Variants in DSCAM observed in about 807,000 individuals in gnomAD.
DSCAM encodes the protein cell adhesion molecule DSCAM.
A neutral mutation model predicts 217.7 loss-of-function variants in DSCAM; 47 were observed. That is an observed-to-expected ratio of 0.22 (90% CI 0.17 to 0.28). The LOEUF (loss-of-function observed/expected upper bound fraction) is 0.28. DSCAM is among the 10% of genes least tolerant of loss of function. DSCAM has a pLI of 1.00. For synonymous variants in DSCAM, 1,056 were observed against 1,015.3 expected, an observed-to-expected ratio of 1.04 and a Z score of -0.76; for missense variants, 2,080 against 2,618.3, an observed-to-expected ratio of 0.79 and a Z score of 4.49.
intron 14 of DSCAM, among the ~76,000 whole-genome samples, chr21:40,184,299 G>A (rs572832118): frequency 3.3e-4 from 50 of 152,270 alleles, no homozygotes; most frequent in Middle Eastern, 3.4e-3. Context: ...AACACAACTC[G>A]TACAGCAGTG....
At chr21:40,153,432 C>T (rs1046080648) in intron 16 of DSCAM, among the ~76,000 whole-genome samples, 8 of 152,144 alleles carry the variant, frequency 5.3e-5, no homozygotes, top group East Asian at 1.9e-4. Context: ...ACAATGCTGT[C>T]GCCAAAGCAA....
intron 29 of DSCAM, among the ~76,000 whole-genome samples, chr21:40,053,972 G>GTGTC (rs1348750209): frequency 6.6e-6 from 1 of 152,100 alleles, no homozygotes; most frequent in Non-Finnish European, 1.5e-5. Context: ...TAACCTCTCT[G>GTGTC]TGTCTCAGTT....
In DSCAM at chr21:40,080,346, G is replaced by A. The variant is rs1479831657; in HGVS notation, c.4232-6C>T. ...GGAGTACTGCAGTATGTATCCTGCA[G>A]AGAATGAGAAAGATTCACATGAGCA... On this transcript the variant is annotated splice_region_variant and splice_polypyrimidine_tract_variant and intron_variant, in intron 24 of 32. Transcript: ENST00000400454. 6.3e-7 allele frequency: 1 copy of A among 1,577,196 alleles called. No homozygotes were observed. The highest frequency in any genetic ancestry group is 1.8e-5 in the Admixed American group (1 of 56,802).
At chr21:40,527,856 C>G (rs563194906) in intron 3 of DSCAM, among the ~76,000 whole-genome samples, 1 of 152,138 alleles carries the variant, frequency 6.6e-6, no homozygotes, top group African/African-American at 2.4e-5. Flanking sequence ...AGACAGAAAC[C>G]CTGTATGCGG....
At chr21:40,442,909 C>A (rs974142763) in intron 3 of DSCAM, among the ~76,000 whole-genome samples, 1 of 152,088 alleles carries the variant, frequency 6.6e-6, no homozygotes, top group Admixed American at 6.5e-5. Context: ...TCTCTCTTCC[C>A]CGGTACATGT....
At chr21:40,364,429 C>T (rs1197925515) in intron 4 of DSCAM, among the ~76,000 whole-genome samples, 2 of 145,666 alleles carry the variant, frequency 1.4e-5, no homozygotes, top group Admixed American at 7.3e-5. Flanking sequence ...GTCGCAAGGA[C>T]AAAAAACCAA....
At chr21:40,783,625 G>C (rs1267642246) in intron 1 of DSCAM, among the ~76,000 whole-genome samples, 3 of 152,304 alleles carry the variant, frequency 2.0e-5, no homozygotes, top group South Asian at 4.1e-4. Flanking sequence ...CACATAAAGA[G>C]GAAAAGGCCC....
intron 1 of DSCAM, among the ~76,000 whole-genome samples, chr21:40,804,396 T>C (rs2091768433): frequency 6.6e-6 from 1 of 152,160 alleles, no homozygotes; most frequent in South Asian, 2.1e-4. Context: ...TCCTGGACCC[T>C]TGTTCTTTCC....
At chr21:40,237,579 G>A (rs1002985606) in intron 11 of DSCAM, among the ~76,000 whole-genome samples, 4 of 152,224 alleles carry the variant, frequency 2.6e-5, no homozygotes, top group African/African-American at 9.6e-5. Flanking sequence ...ATTCCATGGT[G>A]TATATGTGCC....
chr21:40,700,682 TCTC>T (rs2090646217), intron 2 of DSCAM, among the ~76,000 whole-genome samples: 1 of 152,024 alleles, frequency 6.6e-6, no homozygotes, highest in African/African-American at 2.4e-5. Flanking sequence ...GGAAATACTC[TCTC>T]CTCAATTTTC....
At chr21:40,353,086 G>T (rs959645292) in intron 5 of DSCAM, among the ~76,000 whole-genome samples, 1 of 152,194 alleles carries the variant, frequency 6.6e-6, no homozygotes, top group Non-Finnish European at 1.5e-5. Context: ...ACCATCACTT[G>T]TGCTGAAAGA....
intron 1 of DSCAM, among the ~76,000 whole-genome samples, chr21:40,805,272 T>A (rs922944282): frequency 2.0e-5 from 3 of 152,240 alleles, no homozygotes; most frequent in African/African-American, 7.2e-5. Context: ...CTCTCTCTTG[T>A]ATGTCTATCT....
intron 3 of DSCAM, among the ~76,000 whole-genome samples, chr21:40,441,986 T>C (rs2075634517): frequency 2.6e-5 from 4 of 152,238 alleles, no homozygotes; most frequent in Admixed American, 2.6e-4. Context: ...CTTGTTTGTT[T>C]ACTTAACTAA....
At chr21:40,296,599 A>C (rs1263219193) in intron 9 of DSCAM, among the ~76,000 whole-genome samples, 1 of 152,170 alleles carries the variant, frequency 6.6e-6, no homozygotes, top group East Asian at 1.9e-4. Flanking sequence ...TGGGAGTCCG[A>C]GGCAAGCAGA....
intron 11 of DSCAM, among the ~76,000 whole-genome samples, chr21:40,199,803 T>G (rs2091051414): frequency 1.3e-5 from 2 of 151,960 alleles, no homozygotes; most frequent in Admixed American, 1.3e-4. Flanking sequence ...GGGAGAGCAT[T>G]AGGACAAATA....
Position 40,288,216 on chromosome 21 carries a change from A to C in DSCAM, c.2182+7839T>G, listed in dbSNP as rs142413550. On this transcript the variant is annotated intron_variant, in intron 10 of 32. Transcript: ENST00000400454. ...GAAAACCAGATGCCGTAGCTTATAA[A>C]AATTCACTACCACTGACAAATGGAA... Among the ~76,000 whole-genome samples the C allele has an allele frequency of 4.4e-3, 665 of 152,326 alleles. 3 individuals are homozygous for C. Among genetic ancestry groups the C allele is most frequent in the Admixed American group, 7.3e-3 (112 of 15,310 alleles).
At chr21:40,291,094 G>A (rs931878931) in intron 10 of DSCAM, among the ~76,000 whole-genome samples, 2 of 152,042 alleles carry the variant, frequency 1.3e-5, no homozygotes, top group East Asian at 3.9e-4. Context: ...GTCTGTCACC[G>A]GCACTTCCAC....
intron 20 of DSCAM, among the ~76,000 whole-genome samples, chr21:40,108,452 G>A (rs1014801816): frequency 1.3e-5 from 2 of 152,166 alleles, no homozygotes; most frequent in African/African-American, 2.4e-5. Flanking sequence ...CTAGGATGGT[G>A]AGAGATCCCT....
chr21:40,019,417 C>T (rs2088222074), intron 32 of DSCAM, among the ~76,000 whole-genome samples: 1 of 152,178 alleles, frequency 6.6e-6, no homozygotes, highest in Admixed American at 6.5e-5. Context: ...TTTCCTTATC[C>T]ATAAAATGGG....
Sources: gnomAD v4.1 joint callset for allele counts (sites outside exome capture counted in the v4.1 genomes callset) on GRCh38, gnomAD v4.1.1 for gene constraint, MANE v1.5 for transcripts, NCBI Gene and HGNC (gene_info 2026-07-23, HGNC 2026-07-21) for gene names.